Variants in ITGA2B observed in about 807,000 individuals in gnomAD.
ITGA2B encodes the protein integrin subunit alpha 2b, also known as integrin alpha-IIb.
A neutral mutation model predicts 142.0 loss-of-function variants in ITGA2B; 91 were observed. That is an observed-to-expected ratio of 0.64 (90% CI 0.54 to 0.76). The LOEUF (loss-of-function observed/expected upper bound fraction) is 0.76. Among genes scored for constraint, ITGA2B ranks in the 30% least tolerant of loss-of-function variants. The pLI, the probability that ITGA2B is intolerant of heterozygous loss-of-function variation, is 0.00. For missense variants in ITGA2B, 1,231 were observed against 1,350.8 expected (o/e 0.91, Z 1.39); for synonymous variants, 536 against 567.2 (o/e 0.94, Z 0.78).
At chr17:44,384,662 T>A in intron 7 of ITGA2B, 77 bp from the exon 8 acceptor site, 2 of 1,524,934 alleles carry the variant, frequency 1.3e-6, no homozygotes, top group Non-Finnish European at 9.1e-7. Context: ...AGGAGGAGAT[T>A]AAGGCCACTC....
rs1349170783 is a variant in ITGA2B, at chr17:44,380,880, T to C, written c.1392A>G (p.Pro464=). The change falls in exon 13 of 30, where the codon CCA becomes CCG. Residue 464 remains proline, a splice_region_variant and synonymous_variant. Coordinates refer to ENST00000262407, the MANE Select transcript of ITGA2B (RefSeq NM_000419.5). ...GAVDIDDNGY[P]DLIVGAYGAN... is the part of the protein sequence containing the mutation. ...CTAGCTGGAGGCAGTCCAGGGCACC[T>C]GGGTATCCGTTGTCATCGATGTCTA... 1.2e-6 allele frequency: 2 copies of C among 1,614,220 alleles called. No individual in the cohort carries two copies. Among genetic ancestry groups the C allele is most frequent in the Non-Finnish European group, 1.7e-6 (2 of 1,180,034 alleles).
At position 44,383,556 on chromosome 17, in the gene ITGA2B, G is replaced by A. The variant is rs756055258; in HGVS notation, c.1147C>T (p.Leu383Phe). ...APSLLLTGTQ[L>F]YGRFGSAIAP... ...ATGGCAGAGCCGAATCGCCCATAGA[G>A]CTGTGTGCCAGTCAGCAGGAGGCTG... The change falls in exon 12 of 30, where the codon CTC (leucine) becomes TTC (phenylalanine). Residue 383 changes from leucine (L) to phenylalanine (F), a missense_variant. This residue lies in a region of ITGA2B where 908 missense variants were observed against 1,021.1 expected (regional missense o/e 0.89). Coordinates refer to ENST00000262407, the MANE Select transcript of ITGA2B (RefSeq NM_000419.5). 6.2e-7 allele frequency: 1 copy of A among 1,612,112 alleles called. No individual in the cohort carries two copies. Among genetic ancestry groups the A allele is most frequent in the Non-Finnish European group, 8.5e-7 (1 of 1,179,934 alleles).
chr17:44,375,621 C>T lies in ITGA2B; in HGVS notation c.2697G>A (p.Gln899=). The T allele has an allele frequency of 6.2e-7, 1 of 1,613,976 alleles. No individual in the cohort carries two copies. Among genetic ancestry groups the T allele is most frequent in the Non-Finnish European group, 8.5e-7 (1 of 1,179,990 alleles). ...GAACTGGATCCTGAAGCCTCGAGGG[C>T]TGCTCGGGCTCTGGCAGGAAGATCT... is the stretch of plus-strand genomic sequence containing the variant. The part of the protein sequence containing the change: ...RRQIFLPEPE[Q]PSRLQDPVLV... Residue 899 remains glutamine, a synonymous_variant, in exon 26 of 30, where the codon CAG becomes CAA. Transcript: ENST00000262407.
intron 17 of ITGA2B, 23 bp from the exon 18 acceptor site, chr17:44,379,837 G>C: frequency 6.2e-7 from 1 of 1,613,584 alleles, no homozygotes; most frequent in Admixed American, 1.7e-5. Context: ...CAAGAGTCAG[G>C]CCATCTTGCT....
At chr17:44,388,372 T>C (rs2048668317) in intron 1 of ITGA2B, among the ~76,000 whole-genome samples, 1 of 148,810 alleles carries the variant, frequency 6.7e-6, no homozygotes, top group Admixed American at 6.7e-5. Flanking sequence ...TTTTTTTTTT[T>C]TGAGACAGAG....
In ITGA2B at chr17:44,380,219, C is replaced by T. The variant is rs747803295; in HGVS notation, c.1600+27G>A. Reference sequence around the variant, plus strand: ...CCTCCGGGGGAGTCCAAGCCCACCTCCCTCCTGCCCCCTTCATGCCACTCA... The same window carrying T: ...CCTCCGGGGGAGTCCAAGCCCACCTTCCTCCTGCCCCCTTCATGCCACTCA... On this transcript the variant is annotated intron_variant, in intron 16 of 29. Transcript: ENST00000262407. 3 of 1,614,026 alleles carry T rather than the reference C, an allele frequency of 1.9e-6. No homozygotes were observed. The African/African-American group carries it at 4.0e-5, about 22-fold the overall frequency.
chr17:44,376,881 G>A, intron 22 of ITGA2B, 128 bp downstream of exon 22: 1 of 745,512 alleles, frequency 1.3e-6, no homozygotes, highest in Non-Finnish European at 2.3e-6. Flanking sequence ...GCAACGTGCT[G>A]GGATTACAGG....
rs1196551352 is a variant in ITGA2B, at chr17:44,376,096, G to A, written c.2437C>T (p.His813Tyr). 1 of 1,614,138 alleles carries A rather than the reference G, an allele frequency of 6.2e-7. No individual in the cohort carries two copies. Among genetic ancestry groups the A allele is most frequent in the Admixed American group, 1.7e-5 (1 of 60,026 alleles). Reference sequence around the variant, plus strand: ...AGGCTCCCCAATACCTCATAGGTGTGCTCCACTTTGGGTCCCCAGCTGTCC... The same window carrying A: ...AGGCTCCCCAATACCTCATAGGTGTACTCCACTTTGGGTCCCCAGCTGTCC... ...SLDSWGPKVE[H>Y]TYELHNNGPG... Residue 813 changes from histidine to tyrosine, a missense_variant, in exon 24 of 30, where the codon CAC (histidine) becomes TAC (tyrosine). Physicochemically the swap from His to Tyr is moderately conservative, Grantham distance 83. Around this residue, in one of 3 missense-constraint regions of ITGA2B, gnomAD observed 908 missense variants for 1,021.1 expected, o/e 0.89. Transcript: ENST00000262407.
At chr17:44,388,938 T>C (rs1335168259) in intron 1 of ITGA2B, among the ~76,000 whole-genome samples, 1 of 151,908 alleles carries the variant, frequency 6.6e-6, no homozygotes, top group African/African-American at 2.4e-5. Context: ...GTGCTGGGAT[T>C]ACAGGCATGA....
In ITGA2B at chr17:44,384,464, C is replaced by T. The variant is rs2048625861; in HGVS notation, c.847+74G>A. ...ATGTGTGTGCAGGAAGATTTCCCTA[C>T]ATAGGGGAGATTTCAGGAAGGCGCT... is the stretch of plus-strand genomic sequence containing the variant. On this transcript the variant is annotated intron_variant, in intron 8 of 29. Coordinates refer to ENST00000262407, the MANE Select transcript of ITGA2B (RefSeq NM_000419.5). The T allele has an allele frequency of 3.7e-6, 6 of 1,608,412 alleles. No individual in the cohort carries two copies. In the South Asian group the frequency reaches 5.5e-5, roughly 15 times the overall value.
intron 12 of ITGA2B, among the ~76,000 whole-genome samples, chr17:44,382,337 T>C (rs2048604321): frequency 6.6e-6 from 1 of 152,090 alleles, no homozygotes; most frequent in South Asian, 2.1e-4. Flanking sequence ...AATTCCTTTT[T>C]ACCACAAACC....
Position 44,380,079 on chromosome 17 carries a change from G to C in ITGA2B, c.1675C>G (p.Gln559Glu), listed in dbSNP as rs1324642673. The C allele has an allele frequency of 6.2e-7, 1 of 1,614,044 alleles. No homozygotes were observed. Among genetic ancestry groups the C allele is most frequent in the South Asian group, 1.1e-5 (1 of 91,076 alleles). Residue 559 changes from glutamine (Q) to glutamate (E), a missense_variant, in exon 17 of 30, where the codon CAG becomes GAG. Transcript: ENST00000262407. ...TCCAGGTTCAGGGTGGTGCCTGCCTGTTGAGAGCCCAGCAGCAGCACCCGC... is the reference window on the plus strand; with the variant it reads ...TCCAGGTTCAGGGTGGTGCCTGCCTCTTGAGAGCCCAGCAGCAGCACCCGC... ...GRRVLLLGSQ[Q>E]AGTTLNLDLG... is the part of the protein sequence containing the mutation.
intron 1 of ITGA2B, among the ~76,000 whole-genome samples, chr17:44,387,852 A>AAAAAAAAAAAG (rs2048663912): frequency 6.7e-6 from 1 of 149,872 alleles, no homozygotes; most frequent in African/African-American, 2.5e-5. Context: ...AAAAAAAAAA[A>AAAAAAAAAAAG]AAGAAGAAGA....
At chr17:44,379,654 C>G in intron 18 of ITGA2B, 35 bp downstream of exon 18, 1 of 1,613,692 alleles carries the variant, frequency 6.2e-7, no homozygotes. Flanking sequence ...ATCAGGGGTC[C>G]TGCACCTCCC....
chr17:44,375,205 C>T (rs1434256439), intron 26 of ITGA2B, 94 bp from the exon 27 acceptor site: 20 of 1,072,476 alleles, frequency 1.9e-5, no homozygotes, highest in South Asian at 1.3e-5. Context: ...CAGAAGGGGC[C>T]GGGGGTTCAG....
rs147634553 is a variant in ITGA2B, at chr17:44,383,518, G to T, written c.1185C>A (p.Gly395=). 6.2e-7 allele frequency: 1 copy of T among 1,610,332 alleles called. No homozygotes were observed. Among genetic ancestry groups the T allele is most frequent in the Non-Finnish European group, 8.5e-7 (1 of 1,179,864 alleles). The change falls in exon 12 of 30, where the codon GGC becomes GGA. Residue 395 remains glycine, a synonymous_variant. Coordinates refer to ENST00000262407, the MANE Select transcript of ITGA2B (RefSeq NM_000419.5). The stretch of plus-strand genomic sequence containing the variant: ...CATTGTAGCCATCCCGGTCGAGGTC[G>T]CCCAGGGGTGCGATGGCAGAGCCGA... ...GRFGSAIAPL[G]DLDRDGYNDI...
At chr17:44,375,467 G>T in intron 26 of ITGA2B, 124 bp downstream of exon 26, 1 of 1,178,930 alleles carries the variant, frequency 8.5e-7, no homozygotes. Context: ...CACTTGAAGT[G>T]CTCCCAGGGA....
At chr17:44,377,673 C>T (rs576301231) in intron 21 of ITGA2B, 25 bp downstream of exon 21, 67 of 1,584,834 alleles carry the variant, frequency 4.2e-5, no homozygotes, top group Middle Eastern at 2.0e-4. Context: ...GGTGGAGACC[C>T]GGTACCACGA....
chr17:44,374,910 T>G, intron 27 of ITGA2B, 88 bp downstream of exon 27: 3 of 1,311,310 alleles, frequency 2.3e-6, no homozygotes, highest in Non-Finnish European at 3.2e-6. Flanking sequence ...CCTCTCTTCC[T>G]GCCCTCCCAC....
Sources: gnomAD v4.1 joint callset for allele counts (sites outside exome capture counted in the v4.1 genomes callset) on GRCh38, gnomAD v4.1.1 for gene constraint, gnomAD v4.1.1 regional missense constraint, MANE v1.5 for transcripts, NCBI Gene and HGNC (gene_info 2026-07-23, HGNC 2026-07-21) for gene names.